ZNF723: variants seen among roughly 807,000 people sequenced by gnomAD.
The protein encoded by ZNF723 is zinc finger protein 723.
In ZNF723, 5 loss-of-function variants were observed where a neutral mutation model predicts 9.4. The observed-to-expected ratio is 0.53, with a 90% CI of 0.28 to 1.12. The LOEUF is 1.12. ZNF723 is among the 50% of genes most tolerant of loss of function. The probability of loss-of-function intolerance (pLI) is 0.10; values close to 1 mark genes in which losing one functional copy is unlikely to be tolerated. For synonymous variants in ZNF723, 158 were observed against 168.8 expected, an observed-to-expected ratio of 0.94 and a Z score of 0.49; for missense variants, 450 against 501.5, an observed-to-expected ratio of 0.90 and a Z score of 0.98.
intron 1 of ZNF723, among the ~76,000 whole-genome samples, chr19:22,834,702 T>C (rs1402603665): frequency 6.6e-6 from 1 of 152,158 alleles, no homozygotes; most frequent in African/African-American, 2.4e-5. Context: ...CATTTAGACA[T>C]TAAGATTGTC....
At chr19:22,851,356 GA>G (rs1967392165) in intron 3 of ZNF723, among the ~76,000 whole-genome samples, 1 of 152,002 alleles carries the variant, frequency 6.6e-6, no homozygotes, top group Non-Finnish European at 1.5e-5. Flanking sequence ...ATTTTTAGTA[GA>G]GACGGGGTTT....
Position 22,857,220 on chromosome 19 carries a change from AT to A in ZNF723, c.332del (p.Leu111TyrfsTer3). On this transcript the variant is annotated frameshift_variant, in exon 4 of 4. Coordinates refer to ENST00000600766, the MANE Select transcript of ZNF723 (RefSeq NM_001349726.2). LOFTEE classifies it low-confidence loss of function (END_TRUNC). Reference protein sequence around the residue: ...LRSYGKYGHDNLQLRKGCESV... With the variant: ...LRSYGKYGHDXLQLRKGCESV... The stretch of plus-strand genomic sequence containing the variant: ...AGCTATGGAAAATATGGACATGACA[AT>A]TTACAATTAAGAAAAGGCTGTGAAA... 1.1e-6 allele frequency: 1 copy of A among 886,968 alleles called. No homozygotes were observed. The highest frequency in any genetic ancestry group is 1.9e-5 in the Admixed American group (1 of 51,502). The allele number at this position is 886,968 out of a possible 1,614,324, so 54.9% of individuals were successfully genotyped here.
rs1247630803 is a variant in ZNF723 at position 22,858,550 on chromosome 19, C to T, written c.*117C>T. On this transcript the variant is annotated 3_prime_UTR_variant, in exon 4 of 4. Coordinates refer to ENST00000600766, the MANE Select transcript of ZNF723 (RefSeq NM_001349726.2). Reference sequence around the variant, plus strand: ...TGGGAGGCCGAGGCGGGCAGATCACCTGAGGTCAGGAGTTCGAGACCAACC... The same window carrying T: ...TGGGAGGCCGAGGCGGGCAGATCACTTGAGGTCAGGAGTTCGAGACCAACC... The T allele has an allele frequency of 2.4e-5, 13 of 552,572 alleles. No individual in the cohort carries two copies. Among genetic ancestry groups the T allele is most frequent in the South Asian group, 8.4e-5 (3 of 35,512 alleles). The allele number at this position is 552,572 out of a possible 1,614,324, so 34.2% of individuals were successfully genotyped here.
At chr19:22,841,334 T>A (rs545715614) in intron 1 of ZNF723, among the ~76,000 whole-genome samples, 7 of 152,184 alleles carry the variant, frequency 4.6e-5, no homozygotes, top group Non-Finnish European at 8.8e-5. Context: ...ACATATGACA[T>A]GGTGCTGTAA....
chr19:22,819,163 G>A, the ZNF723 span, among the ~76,000 whole-genome samples: 2 of 152,208 alleles, frequency 1.3e-5, no homozygotes, highest in African/African-American at 4.8e-5. Context: ...TCATTGTGAT[G>A]TATTGCTGAG....
At chr19:22,816,126 G>A in the ZNF723 span, among the ~76,000 whole-genome samples, 3 of 152,332 alleles carry the variant, frequency 2.0e-5, no homozygotes, top group East Asian at 3.9e-4. Flanking sequence ...ATGTCTCAGA[G>A]CATATTGTGA....
At chr19:22,851,277 T>C (rs1393793584) in intron 3 of ZNF723, among the ~76,000 whole-genome samples, 1 of 152,052 alleles carries the variant, frequency 6.6e-6, no homozygotes, top group East Asian at 1.9e-4. Context: ...GTTCAAGCAA[T>C]TCTCCTGCCT....
chr19:22,850,750 TA>T (rs1405241803), intron 3 of ZNF723, among the ~76,000 whole-genome samples: 3 of 152,168 alleles, frequency 2.0e-5, no homozygotes, highest in Non-Finnish European at 1.5e-5. Context: ...ATTATTTTTT[TA>T]GATACGTTTT....
Position 22,846,196 on chromosome 19 carries a change from G to A in ZNF723, c.4-2065G>A, listed in dbSNP as rs543733997. Among the ~76,000 whole-genome samples the A allele has an allele frequency of 3.9e-5, 6 of 152,240 alleles. No homozygotes were observed. The East Asian group carries it at 1.2e-3, about 29-fold the overall frequency. ...TCCTTTGTGGCTGTTGAACATGGGA[G>A]GGTGGGGATACTCAAGATTCCTGTT... On this transcript the variant is annotated intron_variant, in intron 1 of 3. Transcript: ENST00000600766.
At chr19:22,828,901 G>T (rs1413706959), upstream of ZNF723, among the ~76,000 whole-genome samples, 1 of 152,066 alleles carries the variant, frequency 6.6e-6, no homozygotes, top group Non-Finnish European at 1.5e-5. Flanking sequence ...GGCCAGACAC[G>T]GTGGCTCACA....
the ZNF723 span, among the ~76,000 whole-genome samples, chr19:22,819,894 C>T: frequency 1.3e-5 from 2 of 152,120 alleles, no homozygotes; most frequent in Non-Finnish European, 2.9e-5. Context: ...TGTATTGTGA[C>T]ATATGTGTGG....
upstream of ZNF723, among the ~76,000 whole-genome samples, chr19:22,829,517 T>C (rs1324954773): frequency 6.6e-6 from 1 of 152,132 alleles, no homozygotes; most frequent in Non-Finnish European, 1.5e-5. Context: ...ACTCCTGACC[T>C]CAGGTGATCT....
At chr19:22,850,952 A>C (rs1405399183) in intron 3 of ZNF723, among the ~76,000 whole-genome samples, 1 of 152,002 alleles carries the variant, frequency 6.6e-6, no homozygotes, top group Non-Finnish European at 1.5e-5. Flanking sequence ...TAATATCATA[A>C]CTTCAATTGA....
At chr19:22,849,523 T>C (rs1180897194) in intron 3 of ZNF723, among the ~76,000 whole-genome samples, 1 of 152,212 alleles carries the variant, frequency 6.6e-6, no homozygotes, top group African/African-American at 2.4e-5. Flanking sequence ...AAGTTTACAG[T>C]GACAGCCAAA....
chr19:22,855,847 T>C (rs1967470244), intron 3 of ZNF723, among the ~76,000 whole-genome samples: 1 of 152,192 alleles, frequency 6.6e-6, no homozygotes, highest in Non-Finnish European at 1.5e-5. Context: ...TGTCTGTGAC[T>C]TTTAAAAGTG....
chr19:22,813,016 C>T, the ZNF723 span, among the ~76,000 whole-genome samples: 18 of 152,032 alleles, frequency 1.2e-4, no homozygotes, highest in Non-Finnish European at 1.5e-5. Flanking sequence ...CTTTGTCACC[C>T]AGGCTGGAGT....
chr19:22,846,359 C>G (rs1047504679), intron 1 of ZNF723, among the ~76,000 whole-genome samples: 1 of 152,066 alleles, frequency 6.6e-6, no homozygotes, highest in Admixed American at 6.6e-5. Flanking sequence ...GCGGTGGCTC[C>G]CACCTGTAAT....
chr19:22,823,344 A>T, the ZNF723 span, among the ~76,000 whole-genome samples: 8 of 152,194 alleles, frequency 5.3e-5, no homozygotes, highest in Non-Finnish European at 1.2e-4. Context: ...CTGAATCTCA[A>T]ACTCAAAGGA....
At chr19:22,822,428 T>C in the ZNF723 span, among the ~76,000 whole-genome samples, 2 of 152,212 alleles carry the variant, frequency 1.3e-5, no homozygotes, top group Non-Finnish European at 1.5e-5. Flanking sequence ...TTGACTCTTA[T>C]AGGTAGCCTT....
Sources: allele counts gnomAD v4.1 joint callset (sites outside exome capture counted in the v4.1 genomes callset), GRCh38; gene constraint gnomAD v4.1.1; transcripts MANE v1.5; gene names NCBI Gene and HGNC (gene_info 2026-07-23, HGNC 2026-07-21).